WDFY2: variants seen among roughly 807,000 people sequenced by gnomAD.
WDFY2 encodes WD repeat and FYVE domain containing 2, also known as WD repeat and FYVE domain-containing protein 2.
In WDFY2, 36 loss-of-function variants were observed where a neutral mutation model predicts 56.4. The observed-to-expected ratio is 0.64, with a 90% confidence interval of 0.49 to 0.84. The LOEUF (loss-of-function observed/expected upper bound fraction) is 0.84, where lower values mean the gene tolerates loss of function less well. Among genes scored for constraint, WDFY2 ranks in the 40% least tolerant of loss-of-function variants. The probability of loss-of-function intolerance (pLI) is 0.00; values close to 1 mark genes in which losing one functional copy is unlikely to be tolerated. For synonymous variants in WDFY2, 176 were observed against 183.7 expected (o/e 0.96, Z 0.34); for missense variants, 444 against 512.2 (o/e 0.87, Z 1.29).
intron 2 of WDFY2, among the ~76,000 whole-genome samples, chr13:51,672,802 G>T (rs948905936): frequency 1.3e-5 from 2 of 152,112 alleles, no homozygotes; most frequent in African/African-American, 4.8e-5. Context: ...TTATTTTTCT[G>T]CAGCTACTGT....
At chr13:51,677,707 A>G (rs1482094450) in intron 3 of WDFY2, among the ~76,000 whole-genome samples, 2 of 152,164 alleles carry the variant, frequency 1.3e-5, no homozygotes, top group African/African-American at 4.8e-5. Context: ...TGAAGTAGAA[A>G]TAAGACGTAG....
chr13:51,622,087 A>G (rs780163356), intron 1 of WDFY2, among the ~76,000 whole-genome samples: 2 of 152,212 alleles, frequency 1.3e-5, no homozygotes, highest in Non-Finnish European at 2.9e-5. Context: ...ATAAAATTGC[A>G]CTGAAATTGG....
chr13:51,609,066 G>A (rs1445397881), intron 1 of WDFY2, among the ~76,000 whole-genome samples: 4 of 152,028 alleles, frequency 2.6e-5, no homozygotes, highest in African/African-American at 4.8e-5. Flanking sequence ...AGAGTAGGGG[G>A]AAGTGTATCT....
intron 3 of WDFY2, among the ~76,000 whole-genome samples, chr13:51,702,431 A>G (rs1952004488): frequency 6.6e-6 from 1 of 152,220 alleles, no homozygotes. Flanking sequence ...TAAAGTGACA[A>G]GTTGAATAAT....
At position 51,675,243 on chromosome 13, in the gene WDFY2, A is replaced by T; in HGVS notation, c.279A>T (p.Ser93=). The change falls in exon 3 of 12, where the codon TCA becomes TCT. Residue 93 remains serine (S), a splice_region_variant and synonymous_variant. Transcript: ENST00000298125. ...LSIGLDNGTI[S]EFILSEDYNK... is the part of the protein sequence containing the mutation. ...TAGGTCTAGACAATGGTACAATCTCAGTAAGTACACATAAATAAGATTTCC... is the reference window on the plus strand; with the variant it reads ...TAGGTCTAGACAATGGTACAATCTCTGTAAGTACACATAAATAAGATTTCC... 1.2e-6 allele frequency: 2 copies of T among 1,611,234 alleles called. No individual in the cohort carries two copies. The highest frequency in any genetic ancestry group is 1.7e-6 in the Non-Finnish European group (2 of 1,177,422).
Position 51,758,216 on chromosome 13 carries a change from T to C in WDFY2, c.1089T>C (p.His363=), listed in dbSNP as rs764360064. 2 of 1,589,100 alleles carry C rather than the reference T, an allele frequency of 1.3e-6. No homozygotes were observed. Among genetic ancestry groups the C allele is most frequent in the Non-Finnish European group, 1.7e-6 (2 of 1,161,312 alleles). The change falls in exon 11 of 12, where the codon CAT becomes CAC. Residue 363 remains histidine, a synonymous_variant. Coordinates refer to ENST00000298125, the MANE Select transcript of WDFY2 (RefSeq NM_052950.4). ...GACGTGCACCCACAGCCACCTTCCA[T>C]GACAGTAAACATAACATTGTGCATG... is the stretch of plus-strand genomic sequence containing the variant. The part of the protein sequence containing the change: ...DEERAPTATF[H]DSKHNIVHVH...
intron 2 of WDFY2, among the ~76,000 whole-genome samples, chr13:51,668,683 C>T (rs1312106177): frequency 6.6e-6 from 1 of 152,206 alleles, no homozygotes; most frequent in Non-Finnish European, 1.5e-5. Flanking sequence ...CATTCAACTT[C>T]ACCAGGATAC....
chr13:51,707,951 T>A (rs1236665029), intron 4 of WDFY2, among the ~76,000 whole-genome samples: 3 of 107,754 alleles, frequency 2.8e-5, no homozygotes, highest in African/African-American at 1.1e-4. Flanking sequence ...TTTTTTTTTT[T>A]TTTTTTTTTT....
intron 3 of WDFY2, among the ~76,000 whole-genome samples, chr13:51,701,013 A>T (rs1951973517): frequency 6.6e-6 from 1 of 152,228 alleles, no homozygotes; most frequent in South Asian, 2.1e-4. Flanking sequence ...ATCAAAAAGA[A>T]TGAAGTTGAT....
chr13:51,759,195 A>G (rs1328334323), intron 11 of WDFY2, among the ~76,000 whole-genome samples: 1 of 152,198 alleles, frequency 6.6e-6, no homozygotes, highest in East Asian at 1.9e-4. Flanking sequence ...TAATTAATTA[A>G]TTAAAATAGG....
intron 1 of WDFY2, among the ~76,000 whole-genome samples, chr13:51,658,327 C>T (rs562853484): frequency 3.8e-4 from 58 of 152,192 alleles, no homozygotes; most frequent in Non-Finnish European, 7.3e-4. Context: ...TTTTGAAAGA[C>T]ACTGCTTGGG....
At chr13:51,585,049 C>T (rs1319468756) in intron 1 of WDFY2, among the ~76,000 whole-genome samples, 1 of 152,244 alleles carries the variant, frequency 6.6e-6, no homozygotes, top group African/African-American at 2.4e-5. Context: ...GGCTTCACCC[C>T]GGGCTGGGTA....
At chr13:51,664,784 A>T (rs1431298195) in intron 2 of WDFY2, among the ~76,000 whole-genome samples, 2 of 152,218 alleles carry the variant, frequency 1.3e-5, no homozygotes, top group Non-Finnish European at 2.9e-5. Context: ...GGACTGAGTC[A>T]TGGCCCTATT....
At chr13:51,678,255 G>A (rs1447489583) in intron 3 of WDFY2, among the ~76,000 whole-genome samples, 1 of 152,088 alleles carries the variant, frequency 6.6e-6, no homozygotes, top group African/African-American at 2.4e-5. Context: ...CCATTAAACC[G>A]CTGGGTGTTG....
intron 5 of WDFY2, among the ~76,000 whole-genome samples, chr13:51,724,225 T>C (rs1271373942): frequency 2.6e-5 from 4 of 151,118 alleles, no homozygotes; most frequent in Admixed American, 6.6e-5. Flanking sequence ...CCAATGTCTT[T>C]TTTAACTTTT....
At chr13:51,714,601 C>T (rs1952302156) in intron 4 of WDFY2, among the ~76,000 whole-genome samples, 1 of 152,122 alleles carries the variant, frequency 6.6e-6, no homozygotes, top group African/African-American at 2.4e-5. Context: ...GCCTGGAACC[C>T]TCTTAACAGT....
chr13:51,626,512 T>A lies in WDFY2; in HGVS notation c.138-34084T>A, dbSNP rs576380637. On this transcript the variant is annotated intron_variant, in intron 1 of 11. Transcript: ENST00000298125. Reference sequence around the variant, plus strand: ...CCTTTCTCTTTCTCCACCAGTGAGGTTCACTCCATAAATTTTGATGGATGA... The same window carrying A: ...CCTTTCTCTTTCTCCACCAGTGAGGATCACTCCATAAATTTTGATGGATGA... Among the ~76,000 whole-genome samples, 3 of 152,312 alleles carry A rather than the reference T, an allele frequency of 2.0e-5. No individual in the cohort carries two copies. In the South Asian group the frequency reaches 6.2e-4, roughly 32 times the overall value.
intron 1 of WDFY2, among the ~76,000 whole-genome samples, chr13:51,628,094 G>A (rs1039754885): frequency 6.6e-6 from 1 of 152,184 alleles, no homozygotes; most frequent in East Asian, 1.9e-4. Context: ...TTTCACTGGG[G>A]ACCCACCCCT....
At chr13:51,685,233 C>T (rs560208062) in intron 3 of WDFY2, among the ~76,000 whole-genome samples, 22 of 152,162 alleles carry the variant, frequency 1.4e-4, no homozygotes, top group Non-Finnish European at 3.1e-4. Flanking sequence ...ATTCTCACAG[C>T]CCTTAGTTCA....
Sources: gnomAD v4.1 joint callset for allele counts (sites outside exome capture counted in the v4.1 genomes callset) on GRCh38, gnomAD v4.1.1 for gene constraint, MANE v1.5 for transcripts, NCBI Gene and HGNC (gene_info 2026-07-23, HGNC 2026-07-21) for gene names.